Variants in TRIM2 observed in about 807,000 individuals in gnomAD.
TRIM2 encodes the protein tripartite motif containing 2.
Under a neutral mutation model 75.2 loss-of-function variants are expected in TRIM2, and 20 were observed. The ratio of observed to expected loss-of-function variants is 0.27; its 90% CI spans 0.19 to 0.39. The LOEUF (loss-of-function observed/expected upper bound fraction) is 0.39. Among genes scored for constraint, TRIM2 ranks in the 10% least tolerant of loss-of-function variants. The pLI is 1.00. For missense variants in TRIM2, 660 were observed against 990.8 expected, an observed-to-expected ratio of 0.67 and a Z score of 4.48; for synonymous variants, 373 against 388.3, an observed-to-expected ratio of 0.96 and a Z score of 0.46.
At chr4:153,311,969 G>A (rs1377222213) in intron 6 of TRIM2, among the ~76,000 whole-genome samples, 1 of 151,006 alleles carries the variant, frequency 6.6e-6, no homozygotes, top group Non-Finnish European at 1.5e-5. Context: ...CAATGTGCAT[G>A]TTAGTTACAT....
At chr4:153,308,058 C>T in intron 6 of TRIM2, 1 of 790,870 alleles carries the variant, frequency 1.3e-6, no homozygotes. Context: ...GTCATAAGGA[C>T]TGTAGCTCTT....
At chr4:153,268,150 C>T (rs1181973353) in intron 1 of TRIM2, among the ~76,000 whole-genome samples, 1 of 152,216 alleles carries the variant, frequency 6.6e-6, no homozygotes, top group African/African-American at 2.4e-5. Flanking sequence ...AGCTGATCCA[C>T]TGAGTGCAGG....
intron 1 of TRIM2, among the ~76,000 whole-genome samples, chr4:153,160,599 G>C (rs771568569): frequency 1.3e-5 from 2 of 151,970 alleles, no homozygotes; most frequent in Non-Finnish European, 2.9e-5. Flanking sequence ...ATGTTTGTTT[G>C]TTTGTTTGTT....
intron 5 of TRIM2, among the ~76,000 whole-genome samples, chr4:153,294,705 A>C (rs1450686335): frequency 2.0e-5 from 3 of 152,228 alleles, no homozygotes; most frequent in Admixed American, 2.0e-4. Context: ...ACAAGAGGCA[A>C]GGTTGAATAT....
intron 1 of TRIM2, among the ~76,000 whole-genome samples, chr4:153,240,200 A>C (rs2149838696): frequency 6.6e-6 from 1 of 152,144 alleles, no homozygotes; most frequent in East Asian, 1.9e-4. Flanking sequence ...ACTCATACCC[A>C]CAATTCCTTA....
intron 1 of TRIM2, chr4:153,222,828 C>G (rs908732026): frequency 6.6e-6 from 1 of 152,558 alleles, no homozygotes; most frequent in Admixed American, 6.5e-5. Context: ...ACCTTCAGAT[C>G]GCCTGAGGCT....
intron 1 of TRIM2, among the ~76,000 whole-genome samples, chr4:153,172,938 G>A (rs1731032247): frequency 6.6e-6 from 1 of 152,142 alleles, no homozygotes; most frequent in Non-Finnish European, 1.5e-5. Context: ...AGGGCTCCTT[G>A]GGGCCACAAC....
intron 6 of TRIM2, among the ~76,000 whole-genome samples, chr4:153,301,156 A>T (rs1261834185): frequency 6.6e-6 from 1 of 151,356 alleles, no homozygotes; most frequent in Non-Finnish European, 1.5e-5. Flanking sequence ...GCGCCACTAC[A>T]TTCCAGCCTG....
chr4:153,235,785 T>C (rs943230696), intron 1 of TRIM2, among the ~76,000 whole-genome samples: 3 of 152,180 alleles, frequency 2.0e-5, no homozygotes, highest in African/African-American at 7.2e-5. Context: ...CTGATCAGAT[T>C]ACCTTTTCCA....
At chr4:153,284,612 C>T (rs1351980948) in intron 3 of TRIM2, among the ~76,000 whole-genome samples, 1 of 152,176 alleles carries the variant, frequency 6.6e-6, no homozygotes, top group Non-Finnish European at 1.5e-5. Context: ...TATTATTTGA[C>T]TTTTTCATCC....
chr4:153,336,066 T>C lies in TRIM2; in HGVS notation c.*1100T>C. 9 of 985,648 alleles carry C rather than the reference T, an allele frequency of 9.1e-6. No homozygotes were observed. The highest frequency in any genetic ancestry group is 4.7e-5 in the South Asian group (1 of 21,276). The allele number at this position is 985,648 out of a possible 1,614,324, so 61.1% of individuals were successfully genotyped here. ...TTATTTATCATTGTTTAATGAATAGTAGAGGTGTCAAGGGACTATGTATAC... is the reference window on the plus strand; with the variant it reads ...TTATTTATCATTGTTTAATGAATAGCAGAGGTGTCAAGGGACTATGTATAC... On this transcript the variant is annotated 3_prime_UTR_variant, in exon 12 of 12. Coordinates refer to ENST00000338700, the MANE Select transcript of TRIM2 (RefSeq NM_015271.5).
At chr4:153,282,846 T>C (rs1179743619) in intron 3 of TRIM2, among the ~76,000 whole-genome samples, 1 of 152,048 alleles carries the variant, frequency 6.6e-6, no homozygotes, top group Non-Finnish European at 1.5e-5. Flanking sequence ...TGGAGTGCAG[T>C]GGCATGATCA....
chr4:153,287,537 G>A (rs574981314), intron 3 of TRIM2, among the ~76,000 whole-genome samples: 2 of 152,100 alleles, frequency 1.3e-5, no homozygotes, highest in African/African-American at 2.4e-5. Context: ...ATGTTTAATA[G>A]ATATTTTCTA....
At chr4:153,235,639 A>C (rs1034787696) in intron 1 of TRIM2, among the ~76,000 whole-genome samples, 3 of 152,222 alleles carry the variant, frequency 2.0e-5, no homozygotes, top group African/African-American at 7.2e-5. Flanking sequence ...CCCAGCACAT[A>C]CAGAGTAGTT....
intron 10 of TRIM2, among the ~76,000 whole-genome samples, chr4:153,325,685 T>A (rs1770011426): frequency 6.6e-6 from 1 of 152,174 alleles, no homozygotes; most frequent in African/African-American, 2.4e-5. Flanking sequence ...CCATATGAGA[T>A]CCTAATAGTA....
rs116365246 is a variant in TRIM2, at chr4:153,295,495, C to T, written c.969C>T (p.Asn323=). The T allele has an allele frequency of 1.2e-4, 192 of 1,614,132 alleles. No individual in the cohort carries two copies. The highest frequency in any genetic ancestry group is 2.1e-4 in the African/African-American group (16 of 75,032). ...DQDFPLHPRE[N]DQLDFIVETE... is the part of the protein sequence containing the mutation. ...ACTTCCCCTTGCACCCGCGGGAGAA[C>T]GACCAGCTGGATTTCATCGTGGAAA... The change falls in exon 6 of 12, where the codon AAC becomes AAT. Residue 323 remains asparagine, a synonymous_variant. Transcript: ENST00000338700. The surrounding 1 kb of genome is among the most constrained non-coding windows in gnomAD (Gnocchi z 7.2).
At chr4:153,315,455 T>C (rs1409018545) in intron 6 of TRIM2, 30 bp from the exon 7 acceptor site, 12 of 1,561,354 alleles carry the variant, frequency 7.7e-6, no homozygotes, top group Non-Finnish European at 9.6e-6. Context: ...CTTTAGTGCT[T>C]AATTTTTATG....
intron 1 of TRIM2, among the ~76,000 whole-genome samples, chr4:153,227,441 G>A (rs1421686449): frequency 1.3e-5 from 2 of 152,064 alleles, no homozygotes; most frequent in South Asian, 2.1e-4. Flanking sequence ...CTCTTTAATC[G>A]CCAAAATAGC....
chr4:153,222,007 GA>G (rs1740544304), intron 1 of TRIM2, among the ~76,000 whole-genome samples: 5 of 41,666 alleles, frequency 1.2e-4, no homozygotes, highest in Admixed American at 3.3e-4. Context: ...AGGAAGGAAA[GA>G]AGGAAGGAAA....
Sources: gnomAD v4.1 joint callset for allele counts (sites outside exome capture counted in the v4.1 genomes callset) on GRCh38, gnomAD v4.1.1 for gene constraint, Gnocchi (gnomAD v3.1) non-coding constraint, MANE v1.5 for transcripts, NCBI Gene and HGNC (gene_info 2026-07-23, HGNC 2026-07-21) for gene names.